KLHL29: variants seen among roughly 807,000 people sequenced by gnomAD.
KLHL29 encodes kelch like family member 29.
KLHL29 carries 21 observed loss-of-function variants against 80.4 expected under a neutral mutation model. The observed-to-expected ratio is 0.26, with a 90% CI of 0.19 to 0.38. The LOEUF (loss-of-function observed/expected upper bound fraction) is 0.38. Ranked by LOEUF, KLHL29 falls within the 10% of genes least tolerant of loss-of-function variation. The probability of loss-of-function intolerance (pLI) is 1.00; values close to 1 mark genes in which losing one functional copy is unlikely to be tolerated. For synonymous variants in KLHL29, 511 were observed against 526.8 expected, an observed-to-expected ratio of 0.97 and a Z score of 0.41; for missense variants, 867 against 1,223.9, an observed-to-expected ratio of 0.71 and a Z score of 4.35.
intron 3 of KLHL29, among the ~76,000 whole-genome samples, chr2:23,628,951 A>G (rs1431393522): frequency 6.6e-6 from 1 of 152,234 alleles, no homozygotes; most frequent in Non-Finnish European, 1.5e-5. Context: ...ATCAAAGGCC[A>G]GAGCAGGGGC....
intron 3 of KLHL29, among the ~76,000 whole-genome samples, chr2:23,569,501 CAT>C (rs1236797129): frequency 2.0e-5 from 3 of 152,182 alleles, no homozygotes; most frequent in African/African-American, 7.2e-5. Flanking sequence ...TTTAATTACT[CAT>C]GTTGCAATTA....
chr2:23,444,957 CATT>C (rs922983886), intron 1 of KLHL29, among the ~76,000 whole-genome samples: 1 of 152,092 alleles, frequency 6.6e-6, no homozygotes, highest in South Asian at 2.1e-4. Context: ...AAATATAAAA[CATT>C]ATATAGCAGG....
At position 23,562,331 on chromosome 2, in the gene KLHL29, C is replaced by T. The variant is rs1433163660; in HGVS notation, c.135C>T (p.Ser45=). The T allele has an allele frequency of 7.8e-6, 12 of 1,544,712 alleles. No individual in the cohort carries two copies. Among genetic ancestry groups the T allele is most frequent in the African/African-American group, 2.7e-5 (2 of 72,952 alleles). Residue 45 remains serine, a synonymous_variant, in exon 3 of 14, where the codon AGC becomes AGT. Coordinates refer to ENST00000486442, the MANE Select transcript of KLHL29 (RefSeq NM_052920.2). The surrounding 1 kb of genome is among the most constrained non-coding windows in gnomAD (Gnocchi z 4.5). The part of the protein sequence containing the change: ...VTSGAGGGTA[S]SLSVRPGLLP... ...CGGGGGCCGGTGGCGGCACAGCCAGCAGCCTCAGCGTCCGGCCCGGCCTCC... is the reference window on the plus strand; with the variant it reads ...CGGGGGCCGGTGGCGGCACAGCCAGTAGCCTCAGCGTCCGGCCCGGCCTCC...
chr2:23,431,753 G>A lies in KLHL29; in HGVS notation c.-153-43807G>A, dbSNP rs565549060. On this transcript the variant is annotated intron_variant, in intron 1 of 13. Transcript: ENST00000486442. ...CTAAAAGTACAAAAAAATTAGCTGG[G>A]CGTTGTGGCGGGCGCCTGTAGTCCC... is the stretch of plus-strand genomic sequence containing the variant. Among the ~76,000 whole-genome samples the A allele has an allele frequency of 8.6e-3, 1,307 of 152,040 alleles. 23 individuals carry two copies. Among genetic ancestry groups the A allele is most frequent in the African/African-American group, 0.03 (1,264 of 41,458 alleles).
chr2:23,660,619 A>G (rs983398017), intron 5 of KLHL29, among the ~76,000 whole-genome samples: 6 of 152,238 alleles, frequency 3.9e-5, no homozygotes, highest in African/African-American at 1.4e-4. Context: ...CACAGCCCCC[A>G]GCTCACCAGG....
chr2:23,434,004 T>C (rs902468995), intron 1 of KLHL29, among the ~76,000 whole-genome samples: 1 of 152,104 alleles, frequency 6.6e-6, no homozygotes, highest in Non-Finnish European at 1.5e-5. Context: ...TGTGGGTGTG[T>C]GCAAGTGTGT....
At chr2:23,401,809 G>A (rs1219736146) in intron 1 of KLHL29, among the ~76,000 whole-genome samples, 2 of 152,208 alleles carry the variant, frequency 1.3e-5, no homozygotes, top group Non-Finnish European at 2.9e-5. Context: ...AGAAGGCTCT[G>A]CCAGGTTCAG....
chr2:23,596,128 G>A lies in KLHL29; in HGVS notation c.285+33647G>A, dbSNP rs183385852. Reference sequence around the variant, plus strand: ...GCTGGGTCTGTTGGTGGTTTGAACTGAGCCGCATACAATAGAGCACCCTCG... The same window carrying A: ...GCTGGGTCTGTTGGTGGTTTGAACTAAGCCGCATACAATAGAGCACCCTCG... On this transcript the variant is annotated intron_variant, in intron 3 of 13. Coordinates refer to ENST00000486442, the MANE Select transcript of KLHL29 (RefSeq NM_052920.2). This position sits in a 1 kb window ranked among gnomAD's most constrained non-coding sequence, Gnocchi z 4.4. Among the ~76,000 whole-genome samples, 77 of 152,290 alleles carry A rather than the reference G, an allele frequency of 5.1e-4. No individual in the cohort carries two copies. Among genetic ancestry groups the A allele is most frequent in the Middle Eastern group, 6.8e-3 (2 of 294 alleles).
chr2:23,701,645 C>G (rs1228473646), intron 11 of KLHL29, among the ~76,000 whole-genome samples: 3 of 142,826 alleles, frequency 2.1e-5, no homozygotes. Context: ...CCCAGAAGAT[C>G]AAGGCTGCAG....
chr2:23,697,739 G>C (rs2551354), intron 11 of KLHL29: 151,319 of 152,328 alleles, frequency 0.99, 75,166 homozygotes, highest in East Asian at 1. Context: ...CATGGGCATT[G>C]CCACGTGAAA....
At chr2:23,659,960 G>T (rs1558428212) in intron 5 of KLHL29, among the ~76,000 whole-genome samples, 1 of 151,978 alleles carries the variant, frequency 6.6e-6, no homozygotes, top group African/African-American at 2.4e-5. Flanking sequence ...TTCTCACTAA[G>T]CCCCTCACCT....
intron 2 of KLHL29, chr2:23,524,232 C>T (rs1381773241): frequency 3.3e-6 from 1 of 305,130 alleles, no homozygotes; most frequent in East Asian, 7.9e-5. Flanking sequence ...CCCGGCTCCT[C>T]ATCCACATCT....
Position 23,471,423 on chromosome 2 carries a change from C to G in KLHL29, c.-153-4137C>G, listed in dbSNP as rs776618360. On this transcript the variant is annotated intron_variant, in intron 1 of 13. Transcript: ENST00000486442. The stretch of plus-strand genomic sequence containing the variant: ...GTTAGGAACTATCTTTATTTATAGA[C>G]TTAGAGGTAAAATGGATCTCAAAAT... 4.0e-4 allele frequency among the ~76,000 whole-genome samples: 61 copies of G among 152,322 alleles called. No homozygotes were observed. In the Middle Eastern group the frequency reaches 0.014, roughly 34 times the overall value.
At chr2:23,678,169 C>G (rs1670973884) in intron 5 of KLHL29, among the ~76,000 whole-genome samples, 1 of 152,212 alleles carries the variant, frequency 6.6e-6, no homozygotes, top group Admixed American at 6.5e-5. Flanking sequence ...AACTTCATCT[C>G]CAGCCTTGGT....
chr2:23,568,005 C>T (rs1667631589), intron 3 of KLHL29, among the ~76,000 whole-genome samples: 1 of 152,154 alleles, frequency 6.6e-6, no homozygotes, highest in Non-Finnish European at 1.5e-5. Context: ...ATTGTGTATT[C>T]ATTGACTTAC....
Position 23,647,236 on chromosome 2 carries a change from C to T in KLHL29, c.940+4386C>T, listed in dbSNP as rs1669962830. ...ACTGATCTCATCTCTCCTTGCCCCA[C>T]ACTCTGACATGTCCAGGGCACATTG... On this transcript the variant is annotated intron_variant, in intron 5 of 13. Transcript: ENST00000486442. The surrounding 1 kb of genome is among the most constrained non-coding windows in gnomAD (Gnocchi z 4.9). Among the ~76,000 whole-genome samples the T allele has an allele frequency of 6.6e-6, 1 of 152,220 alleles. No individual in the cohort carries two copies. The highest frequency in any genetic ancestry group is 2.4e-5 in the African/African-American group (1 of 41,452).
chr2:23,640,428 C>T (rs1302585508), intron 4 of KLHL29, among the ~76,000 whole-genome samples: 1 of 152,186 alleles, frequency 6.6e-6, no homozygotes, highest in East Asian at 1.9e-4. Flanking sequence ...ACAGAGTCCC[C>T]TGGGGCCCCA....
intron 2 of KLHL29, among the ~76,000 whole-genome samples, chr2:23,480,531 C>T (rs1457702659): frequency 4.6e-5 from 7 of 152,078 alleles, no homozygotes; most frequent in Non-Finnish European, 4.4e-5. Context: ...AGGTCCTTCC[C>T]CCAGATATTC....
chr2:23,565,905 G>A (rs1667579209), intron 3 of KLHL29, among the ~76,000 whole-genome samples: 1 of 152,246 alleles, frequency 6.6e-6, no homozygotes, highest in East Asian at 1.9e-4. Flanking sequence ...GCTAGGCAGT[G>A]CGCAGGGTGA....
Sources: allele counts gnomAD v4.1 joint callset (sites outside exome capture counted in the v4.1 genomes callset), GRCh38; gene constraint gnomAD v4.1.1; non-coding constraint Gnocchi (gnomAD v3.1); transcripts MANE v1.5; gene names NCBI Gene and HGNC (gene_info 2026-07-23, HGNC 2026-07-21).